PCDHA1: variants seen among roughly 807,000 people sequenced by gnomAD.
PCDHA1 encodes protocadherin alpha 1.
A neutral mutation model predicts 61.3 loss-of-function variants in PCDHA1; 42 were observed. The observed-to-expected ratio is 0.69, with a 90% CI of 0.54 to 0.89. The LOEUF (loss-of-function observed/expected upper bound fraction) is 0.89, where lower values mean the gene tolerates loss of function less well. Ranked by LOEUF, PCDHA1 falls within the 40% of genes least tolerant of loss-of-function variation. The pLI is 0.00. For synonymous variants in PCDHA1, 610 were observed against 553.8 expected (o/e 1.10, Z -1.43); for missense variants, 1,256 against 1,235.3 (o/e 1.02, Z -0.25).
intron 1 of PCDHA1, chr5:140,928,429 T>A: frequency 6.2e-7 from 1 of 1,614,146 alleles, no homozygotes; most frequent in Non-Finnish European, 8.5e-7. Flanking sequence ...CAAAACTTCC[T>A]TTGACTTTGA....
chr5:140,810,299 G>A (rs1447707331), intron 1 of PCDHA1: 1 of 152,000 alleles, frequency 6.6e-6, no homozygotes, highest in Non-Finnish European at 1.5e-5. Context: ...TAAATATATT[G>A]TACATTTCTT....
chr5:140,802,383 A>G (rs1302053906), intron 1 of PCDHA1: 1 of 1,614,106 alleles, frequency 6.2e-7, no homozygotes, highest in South Asian at 1.1e-5. Flanking sequence ...CGTCCCCTTC[A>G]AGCTGGTGTC....
intron 1 of PCDHA1, chr5:140,805,739 T>C (rs1763624426): frequency 3.2e-6 from 1 of 316,764 alleles, no homozygotes; most frequent in Non-Finnish European, 4.6e-6. Context: ...GTTTTCAACA[T>C]TGAACTTGAA....
intron 1 of PCDHA1, chr5:140,828,544 G>C: frequency 6.2e-7 from 1 of 1,614,214 alleles, no homozygotes; most frequent in Non-Finnish European, 8.5e-7. Flanking sequence ...CAGATTCTGT[G>C]TTTCCACTGG....
chr5:140,801,000 C>A, intron 1 of PCDHA1: 1 of 1,400,504 alleles, frequency 7.1e-7, no homozygotes, highest in Non-Finnish European at 9.3e-7. Context: ...CACGTTTAGC[C>A]ACATGATGTC....
rs538322622 is a variant in PCDHA1 at position 140,884,083 on chromosome 5, G to T, written c.2395-94866G>T. 35 of 1,613,596 alleles carry T rather than the reference G, an allele frequency of 2.2e-5. No individual in the cohort carries two copies. The South Asian group carries it at 3.6e-4, about 17-fold the overall frequency. On this transcript the variant is annotated intron_variant, in intron 1 of 3. Coordinates refer to ENST00000504120, the MANE Select transcript of PCDHA1 (RefSeq NM_018900.4). The stretch of plus-strand genomic sequence containing the variant: ...TGGACGCCGATTCGGGCTACAATGC[G>T]TGGCTTTCGTATGAATTGCAGCTGG...
chr5:140,835,671 G>C (rs1489343208), intron 1 of PCDHA1: 19 of 1,613,790 alleles, frequency 1.2e-5, no homozygotes, highest in Non-Finnish European at 1.2e-5. Context: ...CGCGCGGGAC[G>C]GGGGCTCGCC....
chr5:140,943,831 A>T (rs1051741610), intron 1 of PCDHA1, among the ~76,000 whole-genome samples: 2 of 152,214 alleles, frequency 1.3e-5, no homozygotes, highest in African/African-American at 4.8e-5. Flanking sequence ...GAGTTGATTG[A>T]AGTTGTAAGA....
intron 1 of PCDHA1, chr5:140,823,537 C>T: frequency 6.2e-7 from 1 of 1,613,812 alleles, no homozygotes; most frequent in Non-Finnish European, 8.5e-7. Context: ...GGGTGCGGGC[C>T]ACGTGGTGGC....
At chr5:140,842,859 A>G in intron 1 of PCDHA1, 1 of 1,593,988 alleles carries the variant, frequency 6.3e-7, no homozygotes, top group Admixed American at 1.7e-5. Context: ...GTGCACACGG[A>G]GAGCGGCAAG....
intron 1 of PCDHA1, chr5:140,808,385 A>G (rs534285783): frequency 6.2e-7 from 1 of 1,614,148 alleles, no homozygotes; most frequent in African/African-American, 1.3e-5. Context: ...GCTGGTGTCC[A>G]CCTTCAAGAA....
chr5:140,870,806 A>C (rs546684407), intron 1 of PCDHA1: 10 of 1,613,686 alleles, frequency 6.2e-6, no homozygotes, highest in Admixed American at 5.0e-5. Flanking sequence ...CTGGCGACTC[A>C]GGCTGGCAGC....
intron 1 of PCDHA1, chr5:140,841,357 G>T: frequency 6.2e-7 from 1 of 1,613,058 alleles, no homozygotes; most frequent in Non-Finnish European, 8.5e-7. Flanking sequence ...TGGGATCCTG[G>T]CGACTACTAC....
At chr5:140,834,797 G>A in intron 1 of PCDHA1, 3 of 1,613,022 alleles carry the variant, frequency 1.9e-6, no homozygotes, top group South Asian at 1.1e-5. Context: ...CGACACAAAG[G>A]AATCTGTTCA....
chr5:140,870,420 G>C lies in PCDHA1; in HGVS notation c.2394+81736G>C, dbSNP rs371557347. 1.3e-4 allele frequency: 208 copies of C among 1,614,234 alleles called. No homozygotes were observed. The highest frequency in any genetic ancestry group is 1.7e-4 in the Non-Finnish European group (202 of 1,180,052). Reference sequence around the variant, plus strand: ...CGCCTTCTCTGTGGGCCACGGCCAGGGTATCCGTGGAGGTGGCCGACGTGA... The same window carrying C: ...CGCCTTCTCTGTGGGCCACGGCCAGCGTATCCGTGGAGGTGGCCGACGTGA... On this transcript the variant is annotated intron_variant, in intron 1 of 3. Transcript: ENST00000504120.
At chr5:140,798,287 T>C (rs1167207072) in intron 1 of PCDHA1, among the ~76,000 whole-genome samples, 1 of 152,238 alleles carries the variant, frequency 6.6e-6, no homozygotes, top group Admixed American at 6.5e-5. Context: ...CTGCTAATCT[T>C]AAGTATGTTT....
At chr5:140,883,635 C>G (rs997170789) in intron 1 of PCDHA1, 13 of 1,613,058 alleles carry the variant, frequency 8.1e-6, no homozygotes, top group Non-Finnish European at 1.1e-5. Context: ...CCGGCGTTCG[C>G]GCAGCCCGAG....
At chr5:140,875,606 T>C in intron 1 of PCDHA1, 4 of 1,613,864 alleles carry the variant, frequency 2.5e-6, no homozygotes, top group Middle Eastern at 3.4e-4. Flanking sequence ...GGCACCTTCG[T>C]GGGCCGCATC....
chr5:140,970,873 A>G (rs138100298), intron 1 of PCDHA1, among the ~76,000 whole-genome samples: 80 of 152,316 alleles, frequency 5.3e-4, no homozygotes, highest in African/African-American at 1.8e-3. Context: ...GATTGAGAGT[A>G]GATTTTTCTC....
Sources: allele counts gnomAD v4.1 joint callset (sites outside exome capture counted in the v4.1 genomes callset), GRCh38; gene constraint gnomAD v4.1.1; transcripts MANE v1.5; gene names NCBI Gene and HGNC (gene_info 2026-07-23, HGNC 2026-07-21).